ZFR: variants seen among roughly 807,000 people sequenced by gnomAD.
ZFR encodes the protein zinc finger RNA binding protein, also known as zinc finger RNA-binding protein.
A neutral mutation model predicts 130.7 loss-of-function variants in ZFR; 19 were observed. The observed-to-expected ratio is 0.15, with a 90% CI of 0.10 to 0.21. The LOEUF (loss-of-function observed/expected upper bound fraction) is 0.21. ZFR is among the 10% of genes least tolerant of loss of function. The pLI, the probability that ZFR is intolerant of heterozygous loss-of-function variation, is 1.00. For synonymous variants in ZFR, 466 were observed against 456.9 expected (o/e 1.02, Z -0.25); for missense variants, 872 against 1,321.5 (o/e 0.66, Z 5.27).
intron 4 of ZFR, among the ~76,000 whole-genome samples, chr5:32,415,679 T>C (rs528314913): frequency 6.6e-6 from 1 of 152,312 alleles, no homozygotes; most frequent in Admixed American, 6.5e-5. Flanking sequence ...TAACTGATTT[T>C]TCCATAGTGA....
At chr5:32,397,368 T>C in intron 9 of ZFR, 30 bp from the exon 10 acceptor site, 11 of 1,606,790 alleles carry the variant, frequency 6.8e-6, no homozygotes, top group Non-Finnish European at 9.3e-6. Flanking sequence ...TCAAGAATCA[T>C]CATAGTTGAA....
chr5:32,404,069 T>C lies in ZFR; in HGVS notation c.1061A>G (p.Lys354Arg). The C allele has an allele frequency of 6.2e-7, 1 of 1,610,426 alleles. No individual in the cohort carries two copies. The highest frequency in any genetic ancestry group is 8.5e-7 in the Non-Finnish European group (1 of 1,179,074). Reference sequence around the variant, plus strand: ...CAATGCAGCTTCTTTTTTTTTATGTTTCTGTCCTTCTAAATGTTCTTTATA... The same window carrying C: ...CAATGCAGCTTCTTTTTTTTTATGTCTCTGTCCTTCTAAATGTTCTTTATA... Reference protein sequence around the residue: ...QTYKEHLEGQKHKKKEAALKA... With the variant: ...QTYKEHLEGQRHKKKEAALKA... Residue 354 changes from lysine (K) to arginine (R), a missense_variant, in exon 7 of 20, where the codon AAA becomes AGA. Coordinates refer to ENST00000265069, the MANE Select transcript of ZFR (RefSeq NM_016107.5).
chr5:32,399,888 TTAAG>T (rs1176708721), intron 9 of ZFR, 115 bp downstream of exon 9: 7 of 934,614 alleles, frequency 7.5e-6, no homozygotes, highest in Middle Eastern at 2.5e-4. Context: ...TTAATATTCT[TTAAG>T]TAAGCTAAAT....
chr5:32,396,918 C>CT (rs1453737787), intron 10 of ZFR, among the ~76,000 whole-genome samples: 1 of 152,142 alleles, frequency 6.6e-6, no homozygotes, highest in Non-Finnish European at 1.5e-5. Flanking sequence ...ATAGTTGAGA[C>CT]TTTTTTCAAA....
intron 4 of ZFR, among the ~76,000 whole-genome samples, chr5:32,415,513 T>TGTGTGTGTGTGTGC (rs1554073605): frequency 1.7e-4 from 16 of 92,304 alleles, no homozygotes; most frequent in Middle Eastern, 4.5e-3. Flanking sequence ...TGTGTGTGTG[T>TGTGTGTGTGTGTGC]GTGCGCGCGC....
At chr5:32,419,173 T>C (rs1312617478) in intron 3 of ZFR, among the ~76,000 whole-genome samples, 1 of 152,216 alleles carries the variant, frequency 6.6e-6, no homozygotes, top group Admixed American at 6.5e-5. Flanking sequence ...AGGGAAGTCT[T>C]TTCTATGTCT....
rs375933482 is a variant in ZFR, at chr5:32,375,572, C to T, written c.2835+3543G>A. ...TCACCCAGGCTGGAGTGCCATGGCA[C>T]AATCATGGCTCACTGTAGACTTGAC... On this transcript the variant is annotated intron_variant, in intron 17 of 19. Transcript: ENST00000265069. 3.9e-5 allele frequency among the ~76,000 whole-genome samples: 6 copies of T among 152,254 alleles called. No individual in the cohort carries two copies. The South Asian group carries it at 6.2e-4, about 16-fold the overall frequency.
At chr5:32,437,446 T>G (rs1329734124) in intron 2 of ZFR, among the ~76,000 whole-genome samples, 1 of 152,212 alleles carries the variant, frequency 6.6e-6, no homozygotes, top group East Asian at 1.9e-4. Context: ...ATTCATTTTA[T>G]CTCTGTATGA....
chr5:32,422,087 A>T (rs1476750818), intron 2 of ZFR, among the ~76,000 whole-genome samples: 1 of 152,026 alleles, frequency 6.6e-6, no homozygotes, highest in Non-Finnish European at 1.5e-5. Flanking sequence ...TATATAAAAG[A>T]CTGTTTCTAT....
At chr5:32,437,384 G>A (rs1395188370) in intron 2 of ZFR, among the ~76,000 whole-genome samples, 1 of 151,856 alleles carries the variant, frequency 6.6e-6, no homozygotes, top group African/African-American at 2.4e-5. Flanking sequence ...AATATAAAGT[G>A]TATACAAGAC....
At chr5:32,415,473 T>A (rs1430000225) in intron 4 of ZFR, among the ~76,000 whole-genome samples, 1 of 146,262 alleles carries the variant, frequency 6.8e-6, no homozygotes, top group Non-Finnish European at 1.5e-5. Flanking sequence ...TAAACAAACT[T>A]TTCTGAAAAG....
chr5:32,432,641 T>C, intron 2 of ZFR, among the ~76,000 whole-genome samples: 1 of 152,132 alleles, frequency 6.6e-6, no homozygotes, highest in East Asian at 1.9e-4. Context: ...TTCCTTATTC[T>C]TGATGTTGTA....
At chr5:32,421,924 T>G (rs535798204) in intron 2 of ZFR, among the ~76,000 whole-genome samples, 74 of 152,218 alleles carry the variant, frequency 4.9e-4, no homozygotes, top group Non-Finnish European at 9.7e-4. Context: ...AAAATGCCAG[T>G]AACAGGTCAT....
intron 15 of ZFR, among the ~76,000 whole-genome samples, chr5:32,382,749 A>C (rs755382318): frequency 6.6e-6 from 1 of 152,122 alleles, no homozygotes; most frequent in Non-Finnish European, 1.5e-5. Flanking sequence ...AGCTGGGATT[A>C]TAGGCACTCA....
At chr5:32,397,371 T>C (rs1302925944) in intron 9 of ZFR, 33 bp from the exon 10 acceptor site, 3 of 1,603,382 alleles carry the variant, frequency 1.9e-6, no homozygotes, top group East Asian at 2.2e-5. Flanking sequence ...AGAATCATCA[T>C]AGTTGAAGAT....
chr5:32,403,244 A>G lies in ZFR; in HGVS notation c.1378T>C (p.Ser460Pro), dbSNP rs754981608. 1.9e-6 allele frequency: 3 copies of G among 1,614,204 alleles called. No individual in the cohort carries two copies. The highest frequency in any genetic ancestry group is 2.7e-5 in the African/African-American group (2 of 75,038). ...CCCTTCATTGAAGACGTTGCAACTG[A>G]TGACGTATTCACAGTACAATTGTTT... is the stretch of plus-strand genomic sequence containing the variant. ...AANNCTVNTS[S>P]VATSSMKGLT... Residue 460 changes from serine to proline, a missense_variant, in exon 8 of 20, where the codon TCA (serine) becomes CCA (proline). By Grantham distance (74) the Ser-to-Pro change is moderately conservative. Transcript: ENST00000265069.
intron 15 of ZFR, 181 bp from the exon 16 acceptor site, chr5:32,380,353 A>C: frequency 2.1e-6 from 1 of 466,314 alleles, no homozygotes; most frequent in Non-Finnish European, 3.9e-6. Context: ...ACAAAAGGTT[A>C]ACTTATTAAT....
intron 2 of ZFR, among the ~76,000 whole-genome samples, chr5:32,439,231 A>G (rs1754407084): frequency 6.6e-6 from 1 of 152,158 alleles, no homozygotes; most frequent in African/African-American, 2.4e-5. Context: ...AGTCGTTGCA[A>G]TATTTCTTTT....
In ZFR at chr5:32,380,055, AGTAAAAT is replaced by A; in HGVS notation, c.2739+13_2739+19del. 1 of 1,609,558 alleles carries A rather than the reference AGTAAAAT, an allele frequency of 6.2e-7. No homozygotes were observed. Among genetic ancestry groups the A allele is most frequent in the Non-Finnish European group, 8.5e-7 (1 of 1,176,066 alleles). Reference sequence around the variant, plus strand: ...TTCTCTCATAAGGCTACAAGAAAAAAGTAAAATGATGTTCCGAACCTGGAACCACTTA... The same window carrying A: ...TTCTCTCATAAGGCTACAAGAAAAAAGATGTTCCGAACCTGGAACCACTTA... On this transcript the variant is annotated intron_variant, in intron 16 of 19. Coordinates refer to ENST00000265069, the MANE Select transcript of ZFR (RefSeq NM_016107.5).
Sources: gnomAD v4.1 joint callset for allele counts (sites outside exome capture counted in the v4.1 genomes callset) on GRCh38, gnomAD v4.1.1 for gene constraint, MANE v1.5 for transcripts, NCBI Gene and HGNC (gene_info 2026-07-23, HGNC 2026-07-21) for gene names.